The following DLG2 variants were observed in gnomAD, a reference collection of about 807,000 sequenced individuals.
DLG2 encodes the protein disks large homolog 2.
In DLG2, 45 loss-of-function variants were observed where a neutral mutation model predicts 132.5. The observed-to-expected ratio is 0.34, with a 90% CI of 0.27 to 0.44. DLG2 has a LOEUF of 0.44. Ranked by LOEUF, DLG2 falls within the 20% of genes least tolerant of loss-of-function variation. The pLI is 1.00. For missense variants in DLG2, 1,045 were observed against 1,196.9 expected (o/e 0.87, Z 1.87); for synonymous variants, 424 against 419.6 (o/e 1.01, Z -0.13).
At chr11:84,886,426 TAG>T (rs1388648387) in intron 6 of DLG2, among the ~76,000 whole-genome samples, 1 of 152,078 alleles carries the variant, frequency 6.6e-6, no homozygotes, top group Non-Finnish European at 1.5e-5. Context: ...GGAAGATGTT[TAG>T]AGTTATTTTC....
intron 19 of DLG2, among the ~76,000 whole-genome samples, chr11:83,621,259 C>T (rs558240257): frequency 4.5e-4 from 68 of 152,082 alleles, no homozygotes; most frequent in South Asian, 1.7e-3. Flanking sequence ...CCTATCAACG[C>T]CATGATTTTT....
At chr11:85,142,192 C>G (rs1050076164) in intron 5 of DLG2, among the ~76,000 whole-genome samples, 1 of 151,744 alleles carries the variant, frequency 6.6e-6, no homozygotes, top group African/African-American at 2.4e-5. Flanking sequence ...TCTATTAACA[C>G]AAAATATCTT....
chr11:84,986,542 C>T (rs1284043478), intron 6 of DLG2, among the ~76,000 whole-genome samples: 1 of 152,064 alleles, frequency 6.6e-6, no homozygotes, highest in Non-Finnish European at 1.5e-5. Flanking sequence ...ACTAGCTAAT[C>T]GAATCCAACA....
chr11:84,174,789 T>C (rs1354921450), intron 8 of DLG2, among the ~76,000 whole-genome samples: 2 of 152,122 alleles, frequency 1.3e-5, no homozygotes, highest in Non-Finnish European at 2.9e-5. Context: ...AACCCTGTTA[T>C]CTCCAGAAAA....
chr11:85,346,712 C>T (rs1387117690), intron 3 of DLG2, among the ~76,000 whole-genome samples: 4 of 152,010 alleles, frequency 2.6e-5, no homozygotes, highest in Non-Finnish European at 2.9e-5. Context: ...TTTTCCTAGC[C>T]CTCACTCAAA....
intron 3 of DLG2, among the ~76,000 whole-genome samples, chr11:85,560,369 A>G (rs958691822): frequency 1.3e-5 from 2 of 151,902 alleles, no homozygotes; most frequent in African/African-American, 4.8e-5. Flanking sequence ...TTTAAATGTG[A>G]TATGTGTATA....
chr11:85,428,733 C>T (rs573199178), intron 3 of DLG2, among the ~76,000 whole-genome samples: 11 of 152,168 alleles, frequency 7.2e-5, no homozygotes, highest in Middle Eastern at 6.8e-3. Flanking sequence ...GAAGCAAGAG[C>T]AAACACATTT....
At chr11:83,903,835 C>T (rs562268205) in intron 15 of DLG2, among the ~76,000 whole-genome samples, 126 of 152,210 alleles carry the variant, frequency 8.3e-4, no homozygotes, top group Middle Eastern at 3.4e-3. Flanking sequence ...GCAGTAGTCC[C>T]TTCTTATCTT....
chr11:84,337,362 T>C (rs1436653608), intron 7 of DLG2, among the ~76,000 whole-genome samples: 1 of 152,218 alleles, frequency 6.6e-6, no homozygotes, highest in African/African-American at 2.4e-5. Context: ...ACTAGGATTG[T>C]TGTAATTATC....
At chr11:85,323,220 A>G (rs946422892) in intron 3 of DLG2, among the ~76,000 whole-genome samples, 10 of 152,140 alleles carry the variant, frequency 6.6e-5, no homozygotes, top group Non-Finnish European at 4.4e-5. Flanking sequence ...AACCATTACT[A>G]TCACTAACAG....
chr11:84,228,548 C>T (rs10792740), intron 8 of DLG2, among the ~76,000 whole-genome samples: 114,136 of 152,038 alleles, frequency 0.75, 43,871 homozygotes, highest in Middle Eastern at 0.87. Context: ...GAAATGAAGC[C>T]CACATATTTC....
intron 3 of DLG2, among the ~76,000 whole-genome samples, chr11:85,337,863 A>G (rs1373010952): frequency 6.6e-6 from 1 of 152,274 alleles, no homozygotes. Flanking sequence ...GTACCCAGGC[A>G]GATTTTCGAA....
chr11:84,418,175 T>G (rs1033299701), intron 7 of DLG2, among the ~76,000 whole-genome samples: 1 of 152,310 alleles, frequency 6.6e-6, no homozygotes, highest in African/African-American at 2.4e-5. Flanking sequence ...GCACAATTCC[T>G]TATTTGTATG....
intron 4 of DLG2, among the ~76,000 whole-genome samples, chr11:85,184,083 G>C (rs2079918637): frequency 6.6e-6 from 1 of 151,848 alleles, no homozygotes; most frequent in Non-Finnish European, 1.5e-5. Flanking sequence ...TTTGACCCTA[G>C]TCCCTTGCCT....
intron 7 of DLG2, among the ~76,000 whole-genome samples, chr11:84,515,709 A>G (rs2099270720): frequency 6.6e-6 from 1 of 151,854 alleles, no homozygotes; most frequent in South Asian, 2.1e-4. Context: ...GGAACATTGA[A>G]CTCAAACTAT....
chr11:84,445,915 C>CAAA lies in DLG2; in HGVS notation c.519+88652_519+88654dup, dbSNP rs58758315. Among the ~76,000 whole-genome samples the CAAA allele has an allele frequency of 1.8e-3, 108 of 59,692 alleles. 1 individual carries two copies. Among genetic ancestry groups the CAAA allele is most frequent in the African/African-American group, 3.2e-3 (54 of 16,866 alleles). 39.2% of individuals were successfully genotyped at this position (59,692 alleles called of 152,430 possible). On this transcript the variant is annotated intron_variant, in intron 7 of 27. Coordinates refer to ENST00000376104, the MANE Select transcript of DLG2 (RefSeq NM_001142699.3). Reference sequence around the variant, plus strand: ...TGGGCGACAGAGTGAGACTTCGCCTCAAAAAAAAAAAAAAAAAAAAAAAAT... The same window carrying CAAA: ...TGGGCGACAGAGTGAGACTTCGCCTCAAAAAAAAAAAAAAAAAAAAAAAAAAAT...
rs573171869 is a variant in DLG2 at position 83,514,243 on chromosome 11, A to C, written c.2193+18465T>G. 8.9e-4 allele frequency among the ~76,000 whole-genome samples: 135 copies of C among 152,302 alleles called. 2 individuals are homozygous for C. The highest frequency in any genetic ancestry group is 7.3e-3 in the South Asian group (35 of 4,822). ...GTAGTTCTCCTTGAAGAAATCCTTC[A>C]CATCTCCTGTAAGTTGGATTCCTAG... On this transcript the variant is annotated intron_variant, in intron 21 of 27. Transcript: ENST00000376104.
intron 17 of DLG2, among the ~76,000 whole-genome samples, chr11:83,787,323 G>T (rs7936939): frequency 0.69 from 80,457 of 116,936 alleles, 28,001 homozygotes; most frequent in African/African-American, 0.86. Flanking sequence ...TTTTTTTTTT[G>T]TTTTTTTTTT....
chr11:84,447,786 A>G (rs928202941), intron 7 of DLG2, among the ~76,000 whole-genome samples: 5 of 152,182 alleles, frequency 3.3e-5, no homozygotes, highest in Non-Finnish European at 7.4e-5. Context: ...CTGAATTAAT[A>G]TGCTGTGATT....
Sources: allele counts gnomAD v4.1 joint callset (sites outside exome capture counted in the v4.1 genomes callset), GRCh38; gene constraint gnomAD v4.1.1; transcripts MANE v1.5; gene names NCBI Gene and HGNC (gene_info 2026-07-23, HGNC 2026-07-21).